CHIA: variants seen among roughly 807,000 people sequenced by gnomAD.
CHIA encodes the protein chitinase acidic, also known as acidic mammalian chitinase.
A neutral mutation model predicts 53.5 loss-of-function variants in CHIA; 47 were observed. The observed-to-expected ratio is 0.88, with a 90% CI of 0.70 to 1.12. The LOEUF is 1.12. Ranked by LOEUF, CHIA falls within the 50% of genes most tolerant of loss-of-function variation. The probability of loss-of-function intolerance (pLI) is 0.00; values close to 1 mark genes in which losing one functional copy is unlikely to be tolerated. For synonymous variants in CHIA, 268 were observed against 222.2 expected (o/e 1.21, Z -1.83); for missense variants, 652 against 592.2 (o/e 1.10, Z -1.05).
At chr1:111,297,340 C>T (rs143710780) in intron 1 of CHIA, among the ~76,000 whole-genome samples, 9,246 of 152,152 alleles carry the variant, frequency 0.061, 369 homozygotes, top group East Asian at 0.12. Flanking sequence ...GTCGGGTTAC[C>T]CACAAAGGAA....
chr1:111,320,472 A>G lies in CHIA; in HGVS notation c.*6A>G. The G allele has an allele frequency of 6.2e-7, 1 of 1,612,510 alleles. No homozygotes were observed. The highest frequency in any genetic ancestry group is 8.5e-7 in the Non-Finnish European group (1 of 1,178,732). Reference sequence around the variant, plus strand: ...ATTGCTGCAACTGGGCATAAACCTGACCTGGTCTATATTCCCTAGAGTTCC... The same window carrying G: ...ATTGCTGCAACTGGGCATAAACCTGGCCTGGTCTATATTCCCTAGAGTTCC... On this transcript the variant is annotated 3_prime_UTR_variant, in exon 12 of 12. Coordinates refer to ENST00000369740, the MANE Select transcript of CHIA (RefSeq NM_201653.4).
intron 1 of CHIA, among the ~76,000 whole-genome samples, chr1:111,301,879 G>A (rs540748569): frequency 6.6e-6 from 1 of 151,502 alleles, no homozygotes. Context: ...GTAGGGCAGG[G>A]AATATCACAC....
rs143910053 is a variant in CHIA, at chr1:111,314,550, C to A, written c.268C>A (p.Leu90Met). 6 of 1,611,098 alleles carry A rather than the reference C, an allele frequency of 3.7e-6. No individual in the cohort carries two copies. Among genetic ancestry groups the A allele is most frequent in the Non-Finnish European group, 5.1e-6 (6 of 1,177,376 alleles). ...TCCTTTGTTTTACAGGAACAGCCAG[C>A]TGAAAACTCTCCTGGCCATTGGAGG... ...FNGLKNKNSQ[L>M]KTLLAIGGWN... is the part of the protein sequence containing the mutation. The change falls in exon 5 of 12, where the codon CTG (leucine) becomes ATG (methionine). Residue 90 changes from leucine (L) to methionine (M), a missense_variant. Physicochemically the swap from Leu to Met is conservative, Grantham distance 15. Coordinates refer to ENST00000369740, the MANE Select transcript of CHIA (RefSeq NM_201653.4).
Position 111,320,244 on chromosome 1 carries a change from A to G in CHIA, c.1209A>G (p.Pro403=). 3.1e-6 allele frequency: 5 copies of G among 1,614,084 alleles called. No individual in the cohort carries two copies. The highest frequency in any genetic ancestry group is 1.1e-5 in the South Asian group (1 of 91,078). Residue 403 remains proline, a synonymous_variant, in exon 12 of 12, where the codon CCA becomes CCG. Transcript: ENST00000369740. ...CGGCTCCAGCTCAGCCCATTGAGCC[A>G]ATAACTGCTGCTCCCAGTGGCAGCG... is the stretch of plus-strand genomic sequence containing the variant. ...SCTAPAQPIE[P]ITAAPSGSGN...
At chr1:111,304,014 T>G (rs1647978454) in intron 1 of CHIA, among the ~76,000 whole-genome samples, 1 of 152,260 alleles carries the variant, frequency 6.6e-6, no homozygotes, top group Admixed American at 6.5e-5. Flanking sequence ...AGAAAAAAGA[T>G]TTTTGGTTGA....
In CHIA at chr1:111,315,379, C is replaced by A; in HGVS notation, c.424C>A (p.Pro142Thr). The change falls in exon 6 of 12, where the codon CCT becomes ACT. Residue 142 changes from proline to threonine, a missense_variant. Transcript: ENST00000369740. ...FDGLDFDWEY[P>T]GSRGSPPQDK... is the part of the protein sequence containing the mutation. ...CGGGCTGGACTTTGACTGGGAGTAC[C>A]CTGGCTCTCGTGGGAGCCCTCCTCA... 6.2e-7 allele frequency: 1 copy of A among 1,614,080 alleles called. No individual in the cohort carries two copies. The highest frequency in any genetic ancestry group is 8.5e-7 in the Non-Finnish European group (1 of 1,179,998).
At chr1:111,319,492 C>G in intron 11 of CHIA, 24 bp downstream of exon 11, 2 of 1,611,516 alleles carry the variant, frequency 1.2e-6, no homozygotes, top group South Asian at 2.2e-5. Context: ...GGGGAATGCC[C>G]AGGTGTATAA....
In CHIA at chr1:111,318,507, C is replaced by G. The variant is rs944763047; in HGVS notation, c.744C>G (p.Asn248Lys). The G allele has an allele frequency of 1.2e-6, 2 of 1,613,630 alleles. No individual in the cohort carries two copies. Among genetic ancestry groups the G allele is most frequent in the Non-Finnish European group, 1.7e-6 (2 of 1,179,770 alleles). The change falls in exon 9 of 12, where the codon AAC (asparagine) becomes AAG (lysine). Residue 248 changes from asparagine (N) to lysine (K), a missense_variant. By Grantham distance (94) the Asn-to-Lys change is moderately conservative. Transcript: ENST00000369740. ...TGACATTGCAGGATTATGTCATGAA[C>G]TACTGGAAGGACAATGGAGCACCAG... ...NAYLNVDYVM[N>K]YWKDNGAPAE...
intron 1 of CHIA, among the ~76,000 whole-genome samples, chr1:111,296,594 G>A: frequency 6.6e-6 from 1 of 152,318 alleles, no homozygotes; most frequent in South Asian, 2.1e-4. Context: ...ACCAAAGGTA[G>A]ATAAAACCAC....
intron 4 of CHIA, 134 bp downstream of exon 4, chr1:111,312,525 A>G: frequency 1.4e-6 from 1 of 713,934 alleles, no homozygotes; most frequent in Admixed American, 2.4e-5. Context: ...TTTCTTTTAT[A>G]ACTGACAAAA....
intron 5 of CHIA, 147 bp downstream of exon 5, chr1:111,314,743 C>G: frequency 1.7e-6 from 1 of 583,732 alleles, no homozygotes; most frequent in South Asian, 2.3e-5. Context: ...TATTGCTACA[C>G]CAGAACCTCA....
At chr1:111,306,462 A>G in intron 1 of CHIA, among the ~76,000 whole-genome samples, 1 of 152,226 alleles carries the variant, frequency 6.6e-6, no homozygotes, top group African/African-American at 2.4e-5. Context: ...AATTTGATAA[A>G]TTAAGAGCTC....
intron 1 of CHIA, among the ~76,000 whole-genome samples, chr1:111,303,813 T>A (rs1158115207): frequency 6.6e-6 from 1 of 152,198 alleles, no homozygotes; most frequent in Non-Finnish European, 1.5e-5. Flanking sequence ...TAATTGCCCA[T>A]GTGTTTACTT....
chr1:111,293,680 G>C (rs1254515854), intron 1 of CHIA, among the ~76,000 whole-genome samples: 1 of 152,174 alleles, frequency 6.6e-6, no homozygotes, highest in African/African-American at 2.4e-5. Context: ...GTTATGAACT[G>C]TTTGCCCTAT....
In CHIA at chr1:111,312,328, A is replaced by C. The variant is rs913902553; in HGVS notation, c.194A>C (p.Glu65Ala). ...IYAFAGRQNNEITTIEWNDVT... is the reference protein window; with the variant it reads ...IYAFAGRQNNAITTIEWNDVT... The stretch of plus-strand genomic sequence containing the variant: ...GCCTTTGCTGGGAGGCAGAACAACG[A>C]GATCACCACCATCGAATGGAATGAT... The change falls in exon 4 of 12, where the codon GAG becomes GCG. Residue 65 changes from glutamate to alanine, a missense_variant. Coordinates refer to ENST00000369740, the MANE Select transcript of CHIA (RefSeq NM_201653.4). 1.2e-6 allele frequency: 2 copies of C among 1,614,054 alleles called. No individual in the cohort carries two copies. The highest frequency in any genetic ancestry group is 1.3e-5 in the African/African-American group (1 of 74,918).
intron 1 of CHIA, among the ~76,000 whole-genome samples, chr1:111,302,802 ACTTAT>A (rs1647866589): frequency 6.6e-6 from 1 of 151,986 alleles, no homozygotes; most frequent in South Asian, 2.1e-4. Context: ...CTATTTCCTC[ACTTAT>A]CTTCCGTGTG....
At chr1:111,316,644 T>C (rs1484834125) in intron 6 of CHIA, 10 of 152,162 alleles carry the variant, frequency 6.6e-5, no homozygotes, top group Admixed American at 6.5e-4. Context: ...GAGTATGAGG[T>C]ATCTGTAGAG....
intron 1 of CHIA, among the ~76,000 whole-genome samples, chr1:111,293,204 G>A (rs1319953806): frequency 2.0e-5 from 3 of 152,012 alleles, no homozygotes; most frequent in Non-Finnish European, 2.9e-5. Flanking sequence ...CCACCAACAG[G>A]GCACAACTGC....
rs142137716 is a variant in CHIA, at chr1:111,318,095, G to C, written c.715G>C (p.Ala239Pro). 6 of 1,612,408 alleles carry C rather than the reference G, an allele frequency of 3.7e-6. No homozygotes were observed. The highest frequency in any genetic ancestry group is 5.1e-6 in the Non-Finnish European group (6 of 1,178,668). ...YKYPTDTGSN[A>P]YLNVDYVMNY... ...ATACCCGACTGACACCGGCAGCAAC[G>C]CCTACCTCAATGTGGTGAGTCCCTG... The change falls in exon 8 of 12, where the codon GCC becomes CCC. Residue 239 changes from alanine (A) to proline (P), a missense_variant. By Grantham distance (27) the Ala-to-Pro change is conservative. Coordinates refer to ENST00000369740, the MANE Select transcript of CHIA (RefSeq NM_201653.4).
Sources: gnomAD v4.1 joint callset for allele counts (sites outside exome capture counted in the v4.1 genomes callset) on GRCh38, gnomAD v4.1.1 for gene constraint, MANE v1.5 for transcripts, NCBI Gene and HGNC (gene_info 2026-07-23, HGNC 2026-07-21) for gene names.